The following TNRC6C variants were observed in gnomAD, a reference collection of about 807,000 sequenced individuals.
TNRC6C encodes the protein trinucleotide repeat containing adaptor 6C, also known as trinucleotide repeat-containing gene 6C protein.
In TNRC6C, 20 loss-of-function variants were observed where a neutral mutation model predicts 153.7. The ratio of observed to expected loss-of-function variants is 0.13; its 90% CI spans 0.09 to 0.19. The LOEUF is 0.19. Among genes scored for constraint, TNRC6C ranks in the 10% least tolerant of loss-of-function variants. The pLI is 1.00. For missense variants in TNRC6C, 1,987 were observed against 2,172.0 expected (o/e 0.91, Z 1.69); for synonymous variants, 811 against 841.4 (o/e 0.96, Z 0.63).
intron 1 of TNRC6C, among the ~76,000 whole-genome samples, chr17:78,009,759 T>A (rs1308349606): frequency 1.3e-5 from 2 of 152,202 alleles, no homozygotes; most frequent in Admixed American, 1.3e-4. Flanking sequence ...TTCACCATGT[T>A]TGCCAGGATA....
At chr17:78,067,770 G>T (rs1459896266) in exon 5 of TNRC6C, 4 of 1,607,718 alleles carry the variant, frequency 2.5e-6, no homozygotes, top group Non-Finnish European at 3.4e-6. Flanking sequence ...CAAAATCTAT[G>T]CAAGAAGGCT....
At chr17:77,975,026 A>G (rs1567895808) in intron 1 of TNRC6C, among the ~76,000 whole-genome samples, 1 of 152,248 alleles carries the variant, frequency 6.6e-6, no homozygotes. Flanking sequence ...GAAATAAGCC[A>G]GATTAAAAAA....
At chr17:78,091,343 T>G (rs1435265222) in intron 13 of TNRC6C, 97 bp from the exon 16 acceptor site, 3 of 1,294,358 alleles carry the variant, frequency 2.3e-6, no homozygotes, top group Non-Finnish European at 3.0e-6. Flanking sequence ...AAAAAAAAAT[T>G]TGCTGTAAGC....
upstream of TNRC6C, among the ~76,000 whole-genome samples, chr17:78,004,483 T>C (rs567660689): frequency 2.6e-5 from 4 of 152,344 alleles, no homozygotes; most frequent in East Asian, 7.7e-4. Flanking sequence ...AGCTGTGTTT[T>C]AAGGAAGCTG....
rs201251847 is a variant in TNRC6C, at chr17:78,061,043, AT to A, written c.2396-3675del. On this transcript the variant is annotated intron_variant, in intron 3 of 19. Transcript: ENST00000301624. Reference sequence around the variant, plus strand: ...TCTGAAGGAAAGATGAAGAATGTATATTTTAAAATTGAATGAAAACTACATA... The same window carrying A: ...TCTGAAGGAAAGATGAAGAATGTATATTTAAAATTGAATGAAAACTACATA... Among the ~76,000 whole-genome samples, 1,028 of 152,274 alleles carry A rather than the reference AT, an allele frequency of 6.8e-3. 13 individuals carry two copies. Among genetic ancestry groups the A allele is most frequent in the South Asian group, 0.013 (64 of 4,830 alleles).
chr17:78,100,533 C>T (rs2073571206), intron 17 of TNRC6C, among the ~76,000 whole-genome samples: 1 of 152,198 alleles, frequency 6.6e-6, no homozygotes. Context: ...GGCTGGGACA[C>T]AAGGCACCAA....
chr17:78,054,664 G>GCACACCACTGCAGAC (rs2072611171), intron 3 of TNRC6C, among the ~76,000 whole-genome samples: 1 of 151,980 alleles, frequency 6.6e-6, no homozygotes, highest in Non-Finnish European at 1.5e-5. Context: ...GCAGACTACT[G>GCACACCACTGCAGAC]TACGCTACTG....
intron 1 of TNRC6C, among the ~76,000 whole-genome samples, chr17:78,029,219 C>G (rs990655906): frequency 2.6e-4 from 40 of 152,162 alleles, no homozygotes; most frequent in African/African-American, 8.9e-4. Flanking sequence ...CACTAAAATT[C>G]AGTAGTACGA....
chr17:77,984,700 T>C (rs1019997064), intron 1 of TNRC6C, among the ~76,000 whole-genome samples: 1 of 152,164 alleles, frequency 6.6e-6, no homozygotes, highest in Non-Finnish European at 1.5e-5. Flanking sequence ...GGCCCTCCTG[T>C]GGACCACCTC....
chr17:78,044,449 G>A (rs77307352), intron 2 of TNRC6C, among the ~76,000 whole-genome samples: 2 of 152,048 alleles, frequency 1.3e-5, no homozygotes, highest in African/African-American at 2.4e-5. Context: ...GAATAGGTAC[G>A]CCTTGCCTTC....
At chr17:78,041,526 C>T (rs758902897) in intron 2 of TNRC6C, among the ~76,000 whole-genome samples, 48 of 152,202 alleles carry the variant, frequency 3.2e-4, no homozygotes, top group Non-Finnish European at 5.7e-4. Flanking sequence ...CTTTTGGACA[C>T]TATTTGTGTT....
chr17:78,056,034 G>C (rs1403703046), intron 3 of TNRC6C, among the ~76,000 whole-genome samples: 1 of 152,128 alleles, frequency 6.6e-6, no homozygotes, highest in Non-Finnish European at 1.5e-5. Context: ...TTTTCTTTTA[G>C]AGACAGAGTC....
chr17:77,959,042 C>CGGACCT (rs1418117284), upstream of TNRC6C, among the ~76,000 whole-genome samples: 1 of 144,384 alleles, frequency 6.9e-6, no homozygotes, highest in Non-Finnish European at 1.5e-5. Context: ...TTGCCGGGGC[C>CGGACCT]GGACCTGGAC....
At chr17:77,987,336 C>T (rs1354308790) in intron 1 of TNRC6C, among the ~76,000 whole-genome samples, 1 of 152,182 alleles carries the variant, frequency 6.6e-6, no homozygotes, top group African/African-American at 2.4e-5. Context: ...TTATAATACT[C>T]AGTGCTTATG....
chr17:78,007,255 C>T (rs899131620), intron 1 of TNRC6C, among the ~76,000 whole-genome samples: 1 of 152,188 alleles, frequency 6.6e-6, no homozygotes, highest in Non-Finnish European at 1.5e-5. Flanking sequence ...TAACTACTAA[C>T]TAGCCTTAGA....
At chr17:77,997,098 G>A (rs2071340372) in intron 1 of TNRC6C, among the ~76,000 whole-genome samples, 1 of 152,224 alleles carries the variant, frequency 6.6e-6, no homozygotes, top group African/African-American at 2.4e-5. Flanking sequence ...AGCACCATAA[G>A]ATGCTGAAAA....
At chr17:77,976,429 G>A (rs1024305040) in intron 1 of TNRC6C, among the ~76,000 whole-genome samples, 2 of 152,208 alleles carry the variant, frequency 1.3e-5, no homozygotes, top group African/African-American at 4.8e-5. Flanking sequence ...ATTTGTTCTT[G>A]TGATGATCAG....
intron 1 of TNRC6C, among the ~76,000 whole-genome samples, chr17:77,973,872 G>A (rs1205749060): frequency 6.6e-6 from 1 of 152,146 alleles, no homozygotes; most frequent in Non-Finnish European, 1.5e-5. Flanking sequence ...TGTGTTGATG[G>A]ATGGGAAAAC....
At chr17:78,036,098 G>T (rs79816654) in intron 2 of TNRC6C, among the ~76,000 whole-genome samples, 1,722 of 152,266 alleles carry the variant, frequency 0.011, 31 homozygotes, top group African/African-American at 0.039. Context: ...GGCCGCTGAG[G>T]GAGGCGTCCT....
Sources: allele counts gnomAD v4.1 joint callset (sites outside exome capture counted in the v4.1 genomes callset), GRCh38; gene constraint gnomAD v4.1.1; transcripts MANE v1.5; gene names NCBI Gene and HGNC (gene_info 2026-07-23, HGNC 2026-07-21).